Variants in NKAIN2 observed in about 807,000 individuals in gnomAD.
NKAIN2 encodes sodium/potassium-transporting ATPase subunit beta-1-interacting protein 2.
In NKAIN2, 14 loss-of-function variants were observed where a neutral mutation model predicts 32.6. The ratio of observed to expected loss-of-function variants is 0.43; its 90% CI spans 0.28 to 0.67. The LOEUF (loss-of-function observed/expected upper bound fraction) is 0.67. NKAIN2 is among the 30% of genes least tolerant of loss of function. NKAIN2 has a pLI of 0.17. For synonymous variants in NKAIN2, 80 were observed against 87.2 expected, an observed-to-expected ratio of 0.92 and a Z score of 0.46; for missense variants, 198 against 258.3, an observed-to-expected ratio of 0.77 and a Z score of 1.60.
intron 2 of NKAIN2, among the ~76,000 whole-genome samples, chr6:124,321,266 T>C (rs1017167956): frequency 3.3e-5 from 5 of 152,106 alleles, no homozygotes; most frequent in African/African-American, 1.2e-4. Context: ...TTGCTACTTA[T>C]ATAAACTTTT....
At chr6:124,631,156 T>TTAAG (rs1783549898) in intron 3 of NKAIN2, among the ~76,000 whole-genome samples, 1 of 152,114 alleles carries the variant, frequency 6.6e-6, no homozygotes, top group African/African-American at 2.4e-5. Flanking sequence ...ACGAGAGTGT[T>TTAAG]TAAGTGTTTT....
intron 4 of NKAIN2, among the ~76,000 whole-genome samples, chr6:124,682,680 C>T (rs150064165): frequency 6.6e-6 from 1 of 152,112 alleles, no homozygotes; most frequent in African/African-American, 2.4e-5. Context: ...TAAATTTTTC[C>T]ACTTGATCTA....
rs564528945 is a variant in NKAIN2 at position 124,549,242 on chromosome 6, C to T, written c.274-108944C>T. ...AATTAGCCAGGTGTGGTGGCCTGTG[C>T]CTGTAATCCCAGCTACTCAGGAGGC... is the stretch of plus-strand genomic sequence containing the variant. On this transcript the variant is annotated intron_variant, in intron 3 of 6. Transcript: ENST00000368417. Among the ~76,000 whole-genome samples, 630 of 152,190 alleles carry T rather than the reference C, an allele frequency of 4.1e-3. 2 individuals carry two copies. The highest frequency in any genetic ancestry group is 0.014 in the African/African-American group (596 of 41,518).
intron 3 of NKAIN2, among the ~76,000 whole-genome samples, chr6:124,542,893 G>T (rs1445511990): frequency 2.0e-5 from 3 of 152,062 alleles, no homozygotes; most frequent in Non-Finnish European, 4.4e-5. Context: ...AGAATGAAAA[G>T]AAGAATTAAC....
intron 3 of NKAIN2, among the ~76,000 whole-genome samples, chr6:124,440,922 T>C (rs1430223350): frequency 6.6e-6 from 1 of 152,116 alleles, no homozygotes; most frequent in Non-Finnish European, 1.5e-5. Flanking sequence ...CCATTCCTAC[T>C]TTGACTCCAT....
At chr6:124,461,616 C>G (rs1776534785) in intron 3 of NKAIN2, among the ~76,000 whole-genome samples, 2 of 151,656 alleles carry the variant, frequency 1.3e-5, no homozygotes, top group Admixed American at 6.6e-5. Context: ...TTAAAACTGT[C>G]ATCATAGTAC....
At chr6:124,455,694 A>G (rs1776292750) in intron 3 of NKAIN2, among the ~76,000 whole-genome samples, 1 of 151,904 alleles carries the variant, frequency 6.6e-6, no homozygotes, top group South Asian at 2.1e-4. Context: ...CATTTCCCCT[A>G]GTTACATGCT....
intron 5 of NKAIN2, among the ~76,000 whole-genome samples, chr6:124,815,978 C>T (rs1458363863): frequency 6.6e-6 from 1 of 152,146 alleles, no homozygotes; most frequent in Admixed American, 6.5e-5. Flanking sequence ...GGTCACATAG[C>T]TGGCAAAGGG....
intron 1 of NKAIN2, among the ~76,000 whole-genome samples, chr6:124,109,764 C>T (rs1244594233): frequency 6.6e-6 from 1 of 151,914 alleles, no homozygotes. Flanking sequence ...TTGTTATATT[C>T]AGGTAATTTC....
At chr6:124,332,620 C>G (rs1465323263) in intron 2 of NKAIN2, among the ~76,000 whole-genome samples, 3 of 151,846 alleles carry the variant, frequency 2.0e-5, no homozygotes, top group East Asian at 1.9e-4. Context: ...ATAACTACAC[C>G]CTTTATTAAA....
chr6:124,664,095 T>C (rs1772642194), intron 4 of NKAIN2, among the ~76,000 whole-genome samples: 1 of 151,926 alleles, frequency 6.6e-6, no homozygotes, highest in African/African-American at 2.4e-5. Context: ...GCCAACATGC[T>C]GAAACCCCGT....
chr6:124,668,861 A>T (rs1772951418), intron 4 of NKAIN2, among the ~76,000 whole-genome samples: 1 of 152,158 alleles, frequency 6.6e-6, no homozygotes, highest in Non-Finnish European at 1.5e-5. Context: ...AGTCACCAAA[A>T]TAGATGACAA....
intron 4 of NKAIN2, among the ~76,000 whole-genome samples, chr6:124,766,917 G>A (rs1279447017): frequency 2.0e-5 from 3 of 151,590 alleles, no homozygotes; most frequent in Admixed American, 2.0e-4. Flanking sequence ...TTTTTTTGAC[G>A]GAGTTTTGCT....
At chr6:124,171,430 C>A (rs890379583) in intron 1 of NKAIN2, among the ~76,000 whole-genome samples, 3 of 151,964 alleles carry the variant, frequency 2.0e-5, no homozygotes, top group Admixed American at 6.6e-5. Flanking sequence ...TATTCGGATC[C>A]ATTCTGGAAT....
At chr6:124,040,484 C>T (rs1024680695) in intron 1 of NKAIN2, among the ~76,000 whole-genome samples, 7 of 151,776 alleles carry the variant, frequency 4.6e-5, no homozygotes, top group Non-Finnish European at 1.5e-5. Flanking sequence ...TATTCTATTT[C>T]CTCTTTGTCA....
intron 4 of NKAIN2, among the ~76,000 whole-genome samples, chr6:124,740,649 G>A (rs974005657): frequency 4.0e-5 from 6 of 151,842 alleles, no homozygotes; most frequent in African/African-American, 1.2e-4. Flanking sequence ...TGGGAGGAAC[G>A]TTCCAGGAAA....
intron 4 of NKAIN2, among the ~76,000 whole-genome samples, chr6:124,687,002 C>T (rs1773919140): frequency 1.3e-5 from 2 of 151,976 alleles, no homozygotes. Flanking sequence ...CTGGATACTT[C>T]CTGCCCTTGA....
intron 1 of NKAIN2, among the ~76,000 whole-genome samples, chr6:124,125,491 T>C (rs1465287399): frequency 6.6e-6 from 1 of 152,164 alleles, no homozygotes; most frequent in African/African-American, 2.4e-5. Flanking sequence ...TAGGGAAAAG[T>C]ATGGGCTGAT....
intron 1 of NKAIN2, among the ~76,000 whole-genome samples, chr6:123,925,616 A>G (rs1381960969): frequency 6.6e-6 from 1 of 152,160 alleles, no homozygotes; most frequent in Non-Finnish European, 1.5e-5. Context: ...ATGAAACACA[A>G]ACTAGTGTAT....
Sources: allele counts gnomAD v4.1 joint callset (sites outside exome capture counted in the v4.1 genomes callset), GRCh38; gene constraint gnomAD v4.1.1; transcripts MANE v1.5; gene names NCBI Gene and HGNC (gene_info 2026-07-23, HGNC 2026-07-21).